CCDC148: variants seen among roughly 807,000 people sequenced by gnomAD.
The protein encoded by CCDC148 is coiled-coil domain containing 148, also known as coiled-coil domain-containing protein 148.
Under a neutral mutation model 85.7 loss-of-function variants are expected in CCDC148, and 89 were observed. The ratio of observed to expected loss-of-function variants is 1.04; its 90% confidence interval spans 0.87 to 1.24. The LOEUF (loss-of-function observed/expected upper bound fraction) is 1.24. Among genes scored for constraint, CCDC148 ranks in the 50% most tolerant of loss-of-function variants. The probability of loss-of-function intolerance (pLI) is 0.00; values close to 1 mark genes in which losing one functional copy is unlikely to be tolerated. For missense variants in CCDC148, 692 were observed against 671.7 expected, an observed-to-expected ratio of 1.03 and a Z score of -0.33; for synonymous variants, 230 against 213.9, an observed-to-expected ratio of 1.08 and a Z score of -0.66.
intron 1 of CCDC148, among the ~76,000 whole-genome samples, chr2:158,451,753 T>C (rs1306934220): frequency 7.9e-5 from 12 of 152,056 alleles, no homozygotes; most frequent in African/African-American, 2.9e-4. Flanking sequence ...GGCAACAATT[T>C]GATACTAGAT....
Position 158,187,348 on chromosome 2 carries a change from C to T in CCDC148, c.1371-8352G>A, listed in dbSNP as rs115520659. On this transcript the variant is annotated intron_variant, in intron 11 of 13. Transcript: ENST00000283233. ...ACCTTCCATGGTTCTCTTTCCTCTA[C>T]GTACAAACTTATTCAAATGGGGTGG... 9.2e-3 allele frequency among the ~76,000 whole-genome samples: 1,395 copies of T among 152,100 alleles called. 27 individuals are homozygous for T. Among genetic ancestry groups the T allele is most frequent in the African/African-American group, 0.032 (1,337 of 41,506 alleles).
At chr2:158,205,860 G>A (rs920245852) in intron 11 of CCDC148, among the ~76,000 whole-genome samples, 4 of 152,104 alleles carry the variant, frequency 2.6e-5, no homozygotes, top group African/African-American at 7.2e-5. Flanking sequence ...CTGGTGCCCC[G>A]GTGTATTCTG....
intron 10 of CCDC148, among the ~76,000 whole-genome samples, chr2:158,224,463 A>G (rs1687380919): frequency 6.6e-6 from 1 of 152,168 alleles, no homozygotes; most frequent in South Asian, 2.1e-4. Flanking sequence ...AAATACAGAG[A>G]ATGCCACAAA....
At chr2:158,263,950 AAT>A (rs1162142949) in intron 9 of CCDC148, among the ~76,000 whole-genome samples, 20 of 151,866 alleles carry the variant, frequency 1.3e-4, no homozygotes, top group Non-Finnish European at 2.5e-4. Context: ...ACTATTCTTA[AAT>A]GTACAGGTTT....
chr2:158,333,554 T>C (rs1305313691), intron 7 of CCDC148, among the ~76,000 whole-genome samples: 1 of 152,152 alleles, frequency 6.6e-6, no homozygotes, highest in Non-Finnish European at 1.5e-5. Context: ...TGAGCTGTGT[T>C]CATTTCCTGG....
intron 9 of CCDC148, among the ~76,000 whole-genome samples, chr2:158,283,719 G>C (rs1453380044): frequency 2.7e-5 from 4 of 150,798 alleles, no homozygotes; most frequent in South Asian, 2.1e-4. Context: ...TCAGTGTGGC[G>C]ATTCCTCAGG....
At chr2:158,202,884 T>C (rs752278051) in intron 11 of CCDC148, among the ~76,000 whole-genome samples, 6 of 152,344 alleles carry the variant, frequency 3.9e-5, no homozygotes, top group Non-Finnish European at 7.4e-5. Flanking sequence ...AATCTTTGTG[T>C]TGGCTGCCCT....
intron 9 of CCDC148, among the ~76,000 whole-genome samples, chr2:158,297,589 C>T (rs965815009): frequency 6.6e-6 from 1 of 152,146 alleles, no homozygotes; most frequent in Non-Finnish European, 1.5e-5. Flanking sequence ...CAGACACCCT[C>T]TGTGTCAGAG....
chr2:158,175,054 A>C (rs10194422), intron 13 of CCDC148, among the ~76,000 whole-genome samples: 11,620 of 152,064 alleles, frequency 0.076, 1,486 homozygotes, highest in African/African-American at 0.26. Flanking sequence ...ACATGTTTCC[A>C]GTCTCCTCTC....
chr2:158,308,935 TGAG>T (rs1369659176), intron 9 of CCDC148, among the ~76,000 whole-genome samples: 1 of 152,192 alleles, frequency 6.6e-6, no homozygotes, highest in Admixed American at 6.5e-5. Flanking sequence ...TTTCTGGGTC[TGAG>T]GAGGAGGAAA....
At chr2:158,242,636 T>TTG (rs1553487185) in intron 10 of CCDC148, among the ~76,000 whole-genome samples, 26 of 150,968 alleles carry the variant, frequency 1.7e-4, no homozygotes, top group Non-Finnish European at 3.5e-4. Context: ...CTCTGTAGTT[T>TTG]TTTTTTTTTT....
At chr2:158,273,812 T>C (rs1451605506) in intron 9 of CCDC148, among the ~76,000 whole-genome samples, 1 of 152,130 alleles carries the variant, frequency 6.6e-6, no homozygotes, top group Non-Finnish European at 1.5e-5. Flanking sequence ...CATGAACTTA[T>C]AGGGTCAATT....
At chr2:158,438,775 A>T (rs1042699770) in intron 1 of CCDC148, among the ~76,000 whole-genome samples, 4 of 152,252 alleles carry the variant, frequency 2.6e-5, no homozygotes, top group African/African-American at 9.6e-5. Context: ...CAACAAATTT[A>T]CAAGAAAAAA....
intron 9 of CCDC148, among the ~76,000 whole-genome samples, chr2:158,296,668 C>A (rs1158616331): frequency 6.6e-6 from 1 of 152,090 alleles, no homozygotes; most frequent in Non-Finnish European, 1.5e-5. Flanking sequence ...ATATAAGGCT[C>A]TCATTATAAA....
intron 2 of CCDC148, among the ~76,000 whole-genome samples, chr2:158,350,402 T>C (rs566961192): frequency 1.3e-5 from 2 of 152,310 alleles, no homozygotes; most frequent in African/African-American, 2.4e-5. Flanking sequence ...TATACATGTA[T>C]GAATATTTAT....
chr2:158,428,778 A>G (rs1291814367), intron 1 of CCDC148, among the ~76,000 whole-genome samples: 2 of 151,978 alleles, frequency 1.3e-5, no homozygotes, highest in Admixed American at 1.3e-4. Context: ...CAGGCTTCCC[A>G]TTACTGAGCA....
chr2:158,391,700 A>G (rs1029294478), intron 1 of CCDC148, among the ~76,000 whole-genome samples: 1 of 152,194 alleles, frequency 6.6e-6, no homozygotes, highest in Non-Finnish European at 1.5e-5. Flanking sequence ...CATGACATGA[A>G]TTAGATTCTT....
At chr2:158,375,620 A>G (rs1684618846) in intron 1 of CCDC148, among the ~76,000 whole-genome samples, 1 of 151,998 alleles carries the variant, frequency 6.6e-6, no homozygotes, top group Non-Finnish European at 1.5e-5. Flanking sequence ...ACACATTCTA[A>G]TTTTGTTCAG....
chr2:158,425,168 C>A, intron 1 of CCDC148: 1 of 521,890 alleles, frequency 1.9e-6, no homozygotes, highest in Non-Finnish European at 3.8e-6. Context: ...GTGGCTATGG[C>A]AGATATGATC....
Sources: allele counts gnomAD v4.1 joint callset (sites outside exome capture counted in the v4.1 genomes callset), GRCh38; gene constraint gnomAD v4.1.1; transcripts MANE v1.5; gene names NCBI Gene and HGNC (gene_info 2026-07-23, HGNC 2026-07-21).